The following TGFBI variants were observed in gnomAD, a reference collection of about 807,000 sequenced individuals.
The protein encoded by TGFBI is transforming growth factor beta induced, also known as transforming growth factor-beta-induced protein ig-h3.
Under a neutral mutation model 73.7 loss-of-function variants are expected in TGFBI, and 50 were observed. That is an observed-to-expected ratio of 0.68 (90% CI 0.54 to 0.86). The LOEUF is 0.86. Among genes scored for constraint, TGFBI ranks in the 40% least tolerant of loss-of-function variants. The pLI is 0.00. For missense variants in TGFBI, 839 were observed against 877.0 expected (o/e 0.96, Z 0.55); for synonymous variants, 362 against 360.5 (o/e 1.00, Z -0.05).
chr5:136,029,496 C>A (rs1751077155), intron 1 of TGFBI, among the ~76,000 whole-genome samples: 2 of 152,334 alleles, frequency 1.3e-5, no homozygotes, highest in Admixed American at 1.3e-4. Flanking sequence ...TCCTCCCAGC[C>A]ACTGCAGAAA....
At chr5:136,040,582 C>A (rs1280578919) in intron 2 of TGFBI, among the ~76,000 whole-genome samples, 5 of 152,216 alleles carry the variant, frequency 3.3e-5, no homozygotes, top group African/African-American at 1.2e-4. Context: ...TTGTCTACCA[C>A]GAAACTGATC....
intron 2 of TGFBI, among the ~76,000 whole-genome samples, chr5:136,041,961 G>C (rs1186586560): frequency 1.3e-5 from 2 of 152,226 alleles, no homozygotes; most frequent in African/African-American, 4.8e-5. Flanking sequence ...ATGCCATAGA[G>C]AGTACTGCAC....
In TGFBI at chr5:136,055,685, C is replaced by T. The variant is rs1133170; in HGVS notation, c.1416C>T (p.Leu472=). 0.27 allele frequency: 437,401 copies of T among 1,600,388 alleles called. 60,640 individuals are homozygous for T. The highest frequency in any genetic ancestry group is 0.36 in the South Asian group (32,666 of 89,994). ...KLRVFVYRNS[L]CIENSCIAAH... ...TCTGTCCCTCTTCTGTGCAGAGCCT[C>T]TGCATTGAGAACAGCTGCATCGCGG... Residue 472 remains leucine, a synonymous_variant, in exon 11 of 17, where the codon CTC becomes CTT. Transcript: ENST00000442011.
At position 136,055,755 on chromosome 5, in the gene TGFBI, C is replaced by G. The variant is rs10057190; in HGVS notation, c.1486C>G (p.Arg496Gly). 1.1e-3 allele frequency: 1,754 copies of G among 1,612,746 alleles called. 12 individuals are homozygous for G. In the African/African-American group the frequency reaches 0.02, roughly 18 times the overall value. ...GRYGTLFTMD[R>G]VLTPPMGTVM... Reference sequence around the variant, plus strand: ...GTACGGGACCCTGTTCACGATGGACCGGGTGCTGACCCCCCCAATGGGGAC... The same window carrying G: ...GTACGGGACCCTGTTCACGATGGACGGGGTGCTGACCCCCCCAATGGGGAC... Residue 496 changes from arginine to glycine, a missense_variant, in exon 11 of 17, where the codon CGG (arginine) becomes GGG (glycine). Arg to Gly is a moderately radical substitution (Grantham distance 125, BLOSUM62 -2). Transcript: ENST00000442011.
intron 11 of TGFBI, chr5:136,056,341 C>T: frequency 3.4e-6 from 1 of 298,470 alleles, no homozygotes; most frequent in South Asian, 5.2e-5. Flanking sequence ...CCTCTGCCCT[C>T]CCAGAATCAT....
At position 136,063,474 on chromosome 5, in the gene TGFBI, A is replaced by G. The variant is rs1347769327; in HGVS notation, c.*248A>G. On this transcript the variant is annotated 3_prime_UTR_variant, in exon 17 of 17. Transcript: ENST00000442011. ...AGAAACTTGGATGTCACTGCCTGAC[A>G]TTCACTTCCAGAGAGGACCTATCCC... 2 of 495,058 alleles carry G rather than the reference A, an allele frequency of 4.0e-6. No homozygotes were observed. The highest frequency in any genetic ancestry group is 7.3e-6 in the Non-Finnish European group (2 of 274,664). The allele number at this position is 495,058 out of a possible 1,614,324, so 30.7% of individuals were successfully genotyped here.
Position 136,054,870 on chromosome 5 carries a change from TG to T in TGFBI, c.1410+12del, listed in dbSNP as rs748465783. The T allele has an allele frequency of 6.2e-7, 1 of 1,613,254 alleles. No individual in the cohort carries two copies. The highest frequency in any genetic ancestry group is 1.1e-5 in the South Asian group (1 of 91,058). On this transcript the variant is annotated intron_variant, in intron 10 of 16. Transcript: ENST00000442011. ...TTTTTGTTTATCGTAATGTAAGTTC[TG>T]GGTCCTAAATCATGCTCCTGGGAAG...
intron 8 of TGFBI, 56 bp downstream of exon 8, chr5:136,053,175 T>G: frequency 2.6e-6 from 4 of 1,537,062 alleles, no homozygotes; most frequent in Middle Eastern, 2.1e-4. Context: ...TCTTCTGCCA[T>G]CCTTTGTGGC....
chr5:136,049,665 C>A, intron 7 of TGFBI, 85 bp downstream of exon 7: 2 of 1,487,766 alleles, frequency 1.3e-6, no homozygotes, highest in South Asian at 1.3e-5. Context: ...ATGAACATAC[C>A]ACCTGCCATG....
At chr5:136,039,434 C>A (rs1751290580) in intron 2 of TGFBI, among the ~76,000 whole-genome samples, 1 of 152,162 alleles carries the variant, frequency 6.6e-6, no homozygotes, top group Admixed American at 6.5e-5. Context: ...GCCTGTAGGA[C>A]CTGGCTAAAC....
In TGFBI at chr5:136,063,168, C is replaced by G; in HGVS notation, c.2012-18C>G. ...GGAGATCTGCACCTATTTGACGTTA[C>G]CAACTTCTCTTTTTCAGCCCCTGTC... On this transcript the variant is annotated intron_variant, in intron 16 of 16. Coordinates refer to ENST00000442011, the MANE Select transcript of TGFBI (RefSeq NM_000358.3). The G allele has an allele frequency of 6.2e-7, 1 of 1,612,636 alleles. No individual in the cohort carries two copies. The highest frequency in any genetic ancestry group is 8.5e-7 in the Non-Finnish European group (1 of 1,178,814).
chr5:136,049,176 G>A (rs1346368159), intron 6 of TGFBI: 3 of 427,372 alleles, frequency 7.0e-6, no homozygotes, highest in Non-Finnish European at 8.5e-6. Context: ...GAGCAGAGAG[G>A]ACAGCAGGGA....
At chr5:136,055,281 T>A (rs1751609594) in intron 10 of TGFBI, 3 of 217,034 alleles carry the variant, frequency 1.4e-5, no homozygotes, top group Admixed American at 1.0e-4. Context: ...ACCCTGGAAA[T>A]CAAAAAGGAA....
chr5:136,062,569 T>C, intron 15 of TGFBI, 94 bp from the exon 16 acceptor site: 1 of 1,334,448 alleles, frequency 7.5e-7, no homozygotes, highest in Admixed American at 2.0e-5. Context: ...CAGCATTTTT[T>C]CTGAGTAGGG....
chr5:136,056,624 T>C, intron 11 of TGFBI, 41 bp from the exon 12 acceptor site: 1 of 1,613,178 alleles, frequency 6.2e-7, no homozygotes, highest in South Asian at 1.1e-5. Context: ...TTAAGGAAAA[T>C]ACCTGTTGAC....
intron 14 of TGFBI, 49 bp downstream of exon 14, chr5:136,060,985 TG>T (rs1751737472): frequency 7.5e-7 from 1 of 1,341,036 alleles, no homozygotes; most frequent in African/African-American, 1.5e-5. Flanking sequence ...TTTCTTCATG[TG>T]GCAGTTGGTG....
chr5:136,046,520 G>A (rs988543606), intron 4 of TGFBI, 25 bp downstream of exon 4: 5 of 1,582,174 alleles, frequency 3.2e-6, no homozygotes, highest in Non-Finnish European at 4.3e-6. Flanking sequence ...GTCTGCCCGG[G>A]GGACTCTTAT....
In TGFBI at chr5:136,041,698, G is replaced by C. The variant is rs560518224; in HGVS notation, c.234-2360G>C. ...CTCCAAGCTGAGACTTTTCTGCTTA[G>C]ATCTATCCCTTCCTCCTAAACCCCC... On this transcript the variant is annotated intron_variant, in intron 2 of 16. Transcript: ENST00000442011. 7.2e-5 allele frequency among the ~76,000 whole-genome samples: 11 copies of C among 152,232 alleles called. No individual in the cohort carries two copies. The South Asian group carries it at 1.0e-3, about 14-fold the overall frequency.
At chr5:136,057,278 T>C (rs1260521177) in intron 12 of TGFBI, among the ~76,000 whole-genome samples, 2 of 152,202 alleles carry the variant, frequency 1.3e-5, no homozygotes, top group African/African-American at 4.8e-5. Flanking sequence ...TAAGGGTGGC[T>C]GCGACCAGCC....
Sources: gnomAD v4.1 joint callset for allele counts (sites outside exome capture counted in the v4.1 genomes callset) on GRCh38, gnomAD v4.1.1 for gene constraint, MANE v1.5 for transcripts, NCBI Gene and HGNC (gene_info 2026-07-23, HGNC 2026-07-21) for gene names.